The following GALNT17 variants were observed in gnomAD, a reference collection of about 807,000 sequenced individuals.
GALNT17 encodes polypeptide N-acetylgalactosaminyltransferase 17, also known as UDP-GalNAc:polypeptide N-acetylgalactosaminyltransferase-like 3.
GALNT17 carries 29 observed loss-of-function variants against 63.7 expected under a neutral mutation model. That is an observed-to-expected ratio of 0.46 (90% CI 0.34 to 0.62). GALNT17 has a LOEUF of 0.62. Ranked by LOEUF, GALNT17 falls within the 20% of genes least tolerant of loss-of-function variation. The probability of loss-of-function intolerance (pLI) is 0.01; values close to 1 mark genes in which losing one functional copy is unlikely to be tolerated. For missense variants in GALNT17, 603 were observed against 799.6 expected, an observed-to-expected ratio of 0.75 and a Z score of 2.97; for synonymous variants, 305 against 318.3, an observed-to-expected ratio of 0.96 and a Z score of 0.45.
chr7:71,134,853 T>G (rs1198573279), intron 1 of GALNT17, among the ~76,000 whole-genome samples: 1 of 131,186 alleles, frequency 7.6e-6, no homozygotes, highest in African/African-American at 2.9e-5. Flanking sequence ...TTTTTTTTTT[T>G]TTTTTTTTTT....
intron 6 of GALNT17, among the ~76,000 whole-genome samples, chr7:71,655,928 G>T (rs371842753): frequency 6.6e-6 from 1 of 152,058 alleles, no homozygotes; most frequent in Admixed American, 6.6e-5. Context: ...AACTTTCTCT[G>T]CCTGGCATAT....
At chr7:71,465,980 T>G (rs1320893533) in intron 5 of GALNT17, among the ~76,000 whole-genome samples, 1 of 152,104 alleles carries the variant, frequency 6.6e-6, no homozygotes. Context: ...CTTTTAAAGG[T>G]GTCAGACTCT....
intron 1 of GALNT17, among the ~76,000 whole-genome samples, chr7:71,273,566 T>G (rs1214068709): frequency 1.3e-5 from 2 of 152,222 alleles, no homozygotes; most frequent in Admixed American, 1.3e-4. Flanking sequence ...TGAATCAAGG[T>G]AGACAATGAA....
chr7:71,671,339 C>T (rs1012465111), intron 8 of GALNT17, among the ~76,000 whole-genome samples: 13 of 152,146 alleles, frequency 8.5e-5, no homozygotes, highest in Non-Finnish European at 8.8e-5. Flanking sequence ...CTGGGACTCC[C>T]TGTGACTACC....
intron 1 of GALNT17, among the ~76,000 whole-genome samples, chr7:71,225,500 G>T (rs1035429015): frequency 2.6e-5 from 4 of 152,172 alleles, no homozygotes; most frequent in Non-Finnish European, 5.9e-5. Context: ...ACTGCCTCAG[G>T]CCTTCTGTTA....
At chr7:71,247,658 C>A (rs1790123603) in intron 1 of GALNT17, among the ~76,000 whole-genome samples, 1 of 151,994 alleles carries the variant, frequency 6.6e-6, no homozygotes, top group Non-Finnish European at 1.5e-5. Context: ...GGTTTTGCCA[C>A]ATTGGCCAGG....
intron 5 of GALNT17, among the ~76,000 whole-genome samples, chr7:71,490,072 A>G (rs1787980663): frequency 6.6e-6 from 1 of 152,000 alleles, no homozygotes; most frequent in Admixed American, 6.6e-5. Context: ...CCTGGCCAAC[A>G]TGGTGAAATG....
intron 6 of GALNT17, among the ~76,000 whole-genome samples, chr7:71,661,552 T>G (rs1294676113): frequency 6.6e-6 from 1 of 152,202 alleles, no homozygotes; most frequent in Non-Finnish European, 1.5e-5. Context: ...AAATCCAGTC[T>G]GAGTCACTGG....
intron 5 of GALNT17, among the ~76,000 whole-genome samples, chr7:71,539,414 C>A (rs893447051): frequency 2.6e-5 from 4 of 152,256 alleles, no homozygotes; most frequent in Non-Finnish European, 4.4e-5. Context: ...CTCAAAACCC[C>A]TTATCTCACT....
In GALNT17 at chr7:71,710,763, T is replaced by C; in HGVS notation, c.1503T>C (p.Leu501=). The change falls in exon 10 of 11, where the codon CTT becomes CTC. Residue 501 remains leucine (L), a splice_region_variant and synonymous_variant. Coordinates refer to ENST00000333538, the MANE Select transcript of GALNT17 (RefSeq NM_022479.3). ...LYPCHGWGPQ[L]ARYTKEGFLH... is the part of the protein sequence containing the mutation. ...CTGCTGCTCTGGTCTCTCGACAGCT[T>C]GCCCGCTACACCAAGGAAGGCTTCC... 1 of 1,611,874 alleles carries C rather than the reference T, an allele frequency of 6.2e-7. No individual in the cohort carries two copies. Among genetic ancestry groups the C allele is most frequent in the Non-Finnish European group, 8.5e-7 (1 of 1,179,700 alleles).
intron 1 of GALNT17, among the ~76,000 whole-genome samples, chr7:71,232,959 C>T (rs190311285): frequency 1.3e-3 from 196 of 152,242 alleles, no homozygotes; most frequent in Non-Finnish European, 1.1e-3. Flanking sequence ...GCATACATTT[C>T]CACAGTGAGT....
At chr7:71,422,246 G>A (rs760766395) in intron 5 of GALNT17, among the ~76,000 whole-genome samples, 1 of 152,046 alleles carries the variant, frequency 6.6e-6, no homozygotes, top group Non-Finnish European at 1.5e-5. Flanking sequence ...TTGGCTCATG[G>A]CTATGTCGCA....
intron 1 of GALNT17, among the ~76,000 whole-genome samples, chr7:71,254,066 A>G (rs374811403): frequency 5.2e-4 from 79 of 152,326 alleles, no homozygotes; most frequent in East Asian, 2.5e-3. Flanking sequence ...CAATCAGTGC[A>G]TGGAAGGTGT....
At chr7:71,194,589 G>A (rs947242215) in intron 1 of GALNT17, among the ~76,000 whole-genome samples, 16 of 152,190 alleles carry the variant, frequency 1.1e-4, no homozygotes, top group African/African-American at 3.6e-4. Flanking sequence ...TGATGAGTGA[G>A]GACATGGGGT....
intron 1 of GALNT17, among the ~76,000 whole-genome samples, chr7:71,178,411 T>C (rs1171742161): frequency 6.6e-6 from 1 of 152,128 alleles, no homozygotes; most frequent in Non-Finnish European, 1.5e-5. Context: ...TTGGTGATTT[T>C]CTTGAATCTA....
chr7:71,365,737 G>T (rs950525756), intron 2 of GALNT17, among the ~76,000 whole-genome samples: 3 of 151,946 alleles, frequency 2.0e-5, no homozygotes, highest in African/African-American at 7.3e-5. Context: ...GAATTGTCTA[G>T]ATCAGCAGTT....
intron 3 of GALNT17, among the ~76,000 whole-genome samples, chr7:71,389,141 T>C (rs4719121): frequency 0.47 from 70,094 of 149,134 alleles, 17,954 homozygotes; most frequent in Admixed American, 0.59. Context: ...ACCCCTGCCC[T>C]TTTTTTTTTT....
intron 6 of GALNT17, among the ~76,000 whole-genome samples, chr7:71,586,807 G>C (rs1406248426): frequency 6.6e-6 from 1 of 151,864 alleles, no homozygotes; most frequent in Non-Finnish European, 1.5e-5. Flanking sequence ...AATTTGTAAA[G>C]ATCAAGTCAG....
At chr7:71,535,629 T>A (rs6460664) in intron 5 of GALNT17, among the ~76,000 whole-genome samples, 17 of 151,946 alleles carry the variant, frequency 1.1e-4, no homozygotes, top group African/African-American at 4.1e-4. Flanking sequence ...ATAAGTCAAC[T>A]CACAATGTGA....
Sources: allele counts gnomAD v4.1 joint callset (sites outside exome capture counted in the v4.1 genomes callset), GRCh38; gene constraint gnomAD v4.1.1; transcripts MANE v1.5; gene names NCBI Gene and HGNC (gene_info 2026-07-23, HGNC 2026-07-21).